OXTR: variants seen among roughly 807,000 people sequenced by gnomAD.
OXTR encodes oxytocin receptor.
A neutral mutation model predicts 23.9 loss-of-function variants in OXTR; 19 were observed. The observed-to-expected ratio is 0.80, with a 90% CI of 0.56 to 1.17. The LOEUF (loss-of-function observed/expected upper bound fraction) is 1.17, where lower values mean the gene tolerates loss of function less well. Among genes scored for constraint, OXTR ranks in the 50% most tolerant of loss-of-function variants. The pLI is 0.00. For missense variants in OXTR, 500 were observed against 550.7 expected, an observed-to-expected ratio of 0.91 and a Z score of 0.92; for synonymous variants, 278 against 250.5, an observed-to-expected ratio of 1.11 and a Z score of -1.04.
chr3:8,761,700 A>G (rs1708491418), intron 3 of OXTR, among the ~76,000 whole-genome samples: 1 of 152,208 alleles, frequency 6.6e-6, no homozygotes, highest in Admixed American at 6.5e-5. Flanking sequence ...TGGCCTGGGC[A>G]CAGGCCTTGC....
chr3:8,764,729 A>T (rs1708567775), intron 3 of OXTR, among the ~76,000 whole-genome samples: 1 of 152,194 alleles, frequency 6.6e-6, no homozygotes, highest in African/African-American at 2.4e-5. Flanking sequence ...AGTCCACGTC[A>T]TCACCTCTGT....
downstream of OXTR, chr3:8,745,791 C>A (rs878854385): frequency 6.2e-7 from 1 of 1,614,046 alleles, no homozygotes; most frequent in Non-Finnish European, 8.5e-7. This position sits in a 1 kb window ranked among gnomAD's most constrained non-coding sequence, Gnocchi z 4.8. Context: ...TGCATCCGCA[C>A]CTTCTGCAAC....
intron 3 of OXTR, among the ~76,000 whole-genome samples, chr3:8,764,580 C>T (rs981824899): frequency 3.3e-5 from 5 of 152,216 alleles, no homozygotes; most frequent in African/African-American, 1.2e-4. Context: ...GATGCAGACA[C>T]CATTTCCACC....
intron 1 of OXTR, among the ~76,000 whole-genome samples, chr3:8,769,013 C>T (rs1708704797): frequency 6.6e-6 from 1 of 152,214 alleles, no homozygotes; most frequent in Non-Finnish European, 1.5e-5. Flanking sequence ...CTCCCCAGCC[C>T]GGCAGCCTCG....
chr3:8,761,310 T>G (rs1708480657), intron 3 of OXTR, among the ~76,000 whole-genome samples: 1 of 152,130 alleles, frequency 6.6e-6, no homozygotes, highest in South Asian at 2.1e-4. Flanking sequence ...GGCAGTGCCA[T>G]CAGCGGATGT....
chr3:8,767,162 A>T, intron 3 of OXTR, 104 bp downstream of exon 3: 2 of 1,163,222 alleles, frequency 1.7e-6, no homozygotes, highest in African/African-American at 1.6e-5. Flanking sequence ...AAACCCGCTT[A>T]TCCCCCAGGA....
chr3:8,757,542 C>T (rs907472860), intron 3 of OXTR, among the ~76,000 whole-genome samples: 8 of 152,132 alleles, frequency 5.3e-5, no homozygotes, highest in Admixed American at 3.9e-4. Flanking sequence ...ATTCTACCAG[C>T]GACCTAGAAA....
intron 3 of OXTR, among the ~76,000 whole-genome samples, chr3:8,756,437 T>C (rs1708376137): frequency 2.0e-5 from 3 of 152,184 alleles, no homozygotes; most frequent in Admixed American, 1.3e-4. Flanking sequence ...TGATTCCTTT[T>C]AAAAACAGGT....
At chr3:8,745,955 GCT>G, downstream of OXTR, 3 of 1,099,376 alleles carry the variant, frequency 2.7e-6, no homozygotes, top group Non-Finnish European at 4.0e-6. The surrounding 1 kb of genome is among the most constrained non-coding windows in gnomAD (Gnocchi z 4.8). Context: ...CTGCTGGCGA[GCT>G]CTTTCTCTTT....
chr3:8,746,095 G>A (rs1708153531), downstream of OXTR: 1 of 519,178 alleles, frequency 1.9e-6, no homozygotes, highest in Non-Finnish European at 3.5e-6. Context: ...CCCATGCCTG[G>A]GCGTGGGGGA....
Position 8,768,179 on chromosome 3 carries a change from G to C in OXTR, c.9C>G (p.Gly3=). The part of the protein sequence containing the change: ME[G]ALAANWSAEA... ...CGGCGCTCCAGTTGGCTGCGAGCGC[G>C]CCCTCCATGACCCTGGCGGCAGCGG... Residue 3 remains glycine, a synonymous_variant, in exon 3 of 4, where the codon GGC becomes GGG. Transcript: ENST00000316793. The surrounding 1 kb of genome is among the most constrained non-coding windows in gnomAD (Gnocchi z 5.4). 1.5e-6 allele frequency: 2 copies of C among 1,323,004 alleles called. No individual in the cohort carries two copies. The highest frequency in any genetic ancestry group is 1.9e-6 in the Non-Finnish European group (2 of 1,045,400). The allele number at this position is 1,323,004 out of a possible 1,614,324, so 82.0% of individuals were successfully genotyped here. A position where few individuals can be genotyped will look rare whatever the true frequency, so the allele number is the denominator to read the frequency against.
the OXTR span, among the ~76,000 whole-genome samples, chr3:8,744,439 C>T: frequency 6.8e-6 from 1 of 146,872 alleles, no homozygotes; most frequent in Non-Finnish European, 1.5e-5. Context: ...CTGCCATACC[C>T]GGCTAATTTT....
intron 3 of OXTR, among the ~76,000 whole-genome samples, chr3:8,754,411 C>A (rs886644919): frequency 6.6e-6 from 1 of 152,228 alleles, no homozygotes; most frequent in African/African-American, 2.4e-5. Context: ...ACTAAGAATT[C>A]TGTTCAGCCA....
At chr3:8,766,650 T>G (rs1005041780) in intron 3 of OXTR, among the ~76,000 whole-genome samples, 2 of 152,170 alleles carry the variant, frequency 1.3e-5, no homozygotes, top group African/African-American at 4.8e-5. Context: ...CTCCACTCGA[T>G]GAGGAGTTCA....
At chr3:8,741,968 G>A in the OXTR span, among the ~76,000 whole-genome samples, 6 of 152,172 alleles carry the variant, frequency 3.9e-5, no homozygotes, top group Middle Eastern at 3.4e-3. Flanking sequence ...TCACCCTCCA[G>A]CCCCTCTCTC....
chr3:8,753,075 C>T lies in OXTR; in HGVS notation c.1072G>A (p.Gly358Arg), dbSNP rs370398181. Residue 358 changes from glycine (G) to arginine (R), a missense_variant, in exon 4 of 4, where the codon GGA becomes AGA. Gly to Arg is a moderately radical substitution (Grantham distance 125). Coordinates refer to ENST00000316793, the MANE Select transcript of OXTR (RefSeq NM_000916.4). Reference sequence around the variant, plus strand: ...CTCTTTTTGCTGGCACTCGTCTCTCCCAGGCGTCTGCCCTTCAGGTAGCTG... The same window carrying T: ...CTCTTTTTGCTGGCACTCGTCTCTCTCAGGCGTCTGCCCTTCAGGTAGCTG... Reference protein sequence around the residue: ...SASYLKGRRLGETSASKKSNS... With the variant: ...SASYLKGRRLRETSASKKSNS... The T allele has an allele frequency of 1.4e-5, 23 of 1,614,002 alleles. 1 individual carries two copies. The highest frequency in any genetic ancestry group is 2.2e-5 in the East Asian group (1 of 44,882).
chr3:8,744,138 A>G, the OXTR span, among the ~76,000 whole-genome samples: 21 of 152,140 alleles, frequency 1.4e-4, no homozygotes, highest in African/African-American at 5.1e-4. Flanking sequence ...GCTAGAAAGA[A>G]AACATCTCAG....
Position 8,767,767 on chromosome 3 carries a change from T to C in OXTR, c.421A>G (p.Ile141Val), listed in dbSNP as rs910787340. 1 of 1,605,562 alleles carries C rather than the reference T, an allele frequency of 6.2e-7. No individual in the cohort carries two copies. Among genetic ancestry groups the C allele is most frequent in the South Asian group, 1.1e-5 (1 of 90,354 alleles). Residue 141 changes from isoleucine (I) to valine (V), a missense_variant, in exon 3 of 4, where the codon ATC becomes GTC. Ile to Val is a conservative substitution (Grantham distance 29). Coordinates refer to ENST00000316793, the MANE Select transcript of OXTR (RefSeq NM_000916.4). ...CGCAGCGAGCGCAGCGGCTGGCAGA[T>C]GGCCAGGCAGCGGTCCAGGGACATG... is the stretch of plus-strand genomic sequence containing the variant. ...LLMSLDRCLA[I>V]CQPLRSLRRR...
At chr3:8,760,869 G>A (rs1000992734) in intron 3 of OXTR, among the ~76,000 whole-genome samples, 5 of 151,892 alleles carry the variant, frequency 3.3e-5, no homozygotes, top group African/African-American at 9.7e-5. Flanking sequence ...CAGAGACCAG[G>A]GCAACAAGAG....
Sources: gnomAD v4.1 joint callset for allele counts (sites outside exome capture counted in the v4.1 genomes callset) on GRCh38, gnomAD v4.1.1 for gene constraint, Gnocchi (gnomAD v3.1) non-coding constraint, MANE v1.5 for transcripts, NCBI Gene and HGNC (gene_info 2026-07-23, HGNC 2026-07-21) for gene names.